SLAIN1: variants seen among roughly 807,000 people sequenced by gnomAD.
SLAIN1 encodes the protein SLAIN family member 1.
In SLAIN1, 17 loss-of-function variants were observed where a neutral mutation model predicts 55.4. The observed-to-expected ratio is 0.31, with a 90% CI of 0.21 to 0.46. SLAIN1 has a LOEUF of 0.46. SLAIN1 is among the 20% of genes least tolerant of loss of function. SLAIN1 has a pLI of 1.00. For missense variants in SLAIN1, 682 were observed against 785.1 expected, an observed-to-expected ratio of 0.87 and a Z score of 1.57; for synonymous variants, 348 against 337.4, an observed-to-expected ratio of 1.03 and a Z score of -0.35.
intron 4 of SLAIN1, among the ~76,000 whole-genome samples, chr13:77,751,315 TA>T (rs1566245401): frequency 6.6e-6 from 1 of 152,196 alleles, no homozygotes; most frequent in East Asian, 1.9e-4. Context: ...ATATTTATTT[TA>T]TTTGGGAAAA....
At chr13:77,723,409 T>A (rs2091279615) in intron 2 of SLAIN1, among the ~76,000 whole-genome samples, 1 of 152,190 alleles carries the variant, frequency 6.6e-6, no homozygotes, top group South Asian at 2.1e-4. Flanking sequence ...CGAATATTTC[T>A]GCATTTGCTT....
chr13:77,727,464 T>C (rs2091318095), intron 2 of SLAIN1, among the ~76,000 whole-genome samples: 1 of 150,586 alleles, frequency 6.6e-6, no homozygotes, highest in African/African-American at 2.4e-5. Flanking sequence ...CAATTTTCAT[T>C]GAACATTTGG....
At chr13:77,735,314 A>G (rs1026507488) in intron 2 of SLAIN1, among the ~76,000 whole-genome samples, 4 of 152,150 alleles carry the variant, frequency 2.6e-5, no homozygotes, top group African/African-American at 4.8e-5. Context: ...GTGTCCTTTC[A>G]GTCTTTTCTT....
At chr13:77,749,963 G>A (rs1291136700) in intron 4 of SLAIN1, among the ~76,000 whole-genome samples, 4 of 152,204 alleles carry the variant, frequency 2.6e-5, no homozygotes, top group Non-Finnish European at 4.4e-5. Context: ...GTAACGTATG[G>A]ACCTTGATTG....
intron 2 of SLAIN1, among the ~76,000 whole-genome samples, chr13:77,723,908 C>G (rs2091284591): frequency 6.9e-6 from 1 of 144,400 alleles, no homozygotes; most frequent in African/African-American, 2.6e-5. Flanking sequence ...GATTTTGTTG[C>G]TGTTGTTCTA....
At chr13:77,708,561 A>G (rs1404924956) in intron 1 of SLAIN1, among the ~76,000 whole-genome samples, 1 of 152,202 alleles carries the variant, frequency 6.6e-6, no homozygotes, top group East Asian at 1.9e-4. Flanking sequence ...TTCCAGAGGA[A>G]GGAACAGGCA....
intron 1 of SLAIN1, among the ~76,000 whole-genome samples, chr13:77,715,828 T>C (rs2091201213): frequency 6.6e-6 from 1 of 152,188 alleles, no homozygotes; most frequent in Non-Finnish European, 1.5e-5. Context: ...CTTTGGTAGA[T>C]ATATGATTTG....
intron 2 of SLAIN1, among the ~76,000 whole-genome samples, chr13:77,726,707 G>A (rs1456576170): frequency 1.3e-5 from 2 of 152,156 alleles, no homozygotes; most frequent in Non-Finnish European, 2.9e-5. Flanking sequence ...ATGAGCCACT[G>A]TGCTTGGCCC....
chr13:77,697,866 C>CGCGGCGGCGCGCACTCCCCGGCG lies in SLAIN1; in HGVS notation c.-45_-23dup. ...GCCTCCCCGTGGCCCGAGGAGCCGG[C>CGCGGCGGCGCGCACTCCCCGGCG]GCGGCGGCGCGCACTCCCCGGCGGC... is the stretch of plus-strand genomic sequence containing the variant. On this transcript the variant is annotated 5_prime_UTR_variant, in exon 1 of 7. Transcript: ENST00000418532. The CGCGGCGGCGCGCACTCCCCGGCG allele has an allele frequency of 3.1e-6, 4 of 1,278,290 alleles. No homozygotes were observed. The South Asian group carries it at 8.0e-5, about 26-fold the overall frequency. 79.2% of individuals were successfully genotyped at this position (1,278,290 alleles called of 1,614,324 possible).
rs568527874 is a variant in SLAIN1, at chr13:77,720,517, A to G, written c.766+846A>G. ...AGAACGCTGCCCATGAAGCTCTTTGAGGATAATGAATAACATGTTTGGACA... is the reference window on the plus strand; with the variant it reads ...AGAACGCTGCCCATGAAGCTCTTTGGGGATAATGAATAACATGTTTGGACA... On this transcript the variant is annotated intron_variant, in intron 2 of 6. Transcript: ENST00000418532. Among the ~76,000 whole-genome samples, 3 of 152,342 alleles carry G rather than the reference A, an allele frequency of 2.0e-5. No homozygotes were observed. The South Asian group carries it at 6.2e-4, about 32-fold the overall frequency.
At chr13:77,707,559 G>A (rs961733613) in intron 1 of SLAIN1, among the ~76,000 whole-genome samples, 24 of 152,040 alleles carry the variant, frequency 1.6e-4, no homozygotes, top group African/African-American at 2.2e-4. Context: ...AGGAGGTGCC[G>A]AAGCCGATCT....
intron 1 of SLAIN1, among the ~76,000 whole-genome samples, chr13:77,709,161 A>C (rs1457874309): frequency 6.6e-6 from 1 of 151,886 alleles, no homozygotes; most frequent in South Asian, 2.1e-4. Flanking sequence ...AAGAAGGTAT[A>C]TCAGAGATTG....
Position 77,698,218 on chromosome 13 carries a change from TG to T in SLAIN1, c.308del (p.Gly103AlafsTer96). 1 of 1,299,014 alleles carries T rather than the reference TG, an allele frequency of 7.7e-7. No homozygotes were observed. Among genetic ancestry groups the T allele is most frequent in the South Asian group, 2.1e-5 (1 of 46,618 alleles). The allele number at this position is 1,299,014 out of a possible 1,614,324, so 80.5% of individuals were successfully genotyped here. A position where few individuals can be genotyped will look rare whatever the true frequency, so the allele number is the denominator to read the frequency against. On this transcript the variant is annotated frameshift_variant, in exon 1 of 7. Coordinates refer to ENST00000418532, the MANE Select transcript of SLAIN1 (RefSeq NM_001242868.2). LOFTEE classifies it high-confidence loss of function. This position sits in a 1 kb window ranked among gnomAD's most constrained non-coding sequence, Gnocchi z 4.1. ...GGGGGCCTGGGGCTCGGGCTGGCGC[TG>T]GGCGCGGGGGGCGGTGGCGGCAGCG... ...ASGGLGLGLA[L>X]GAGGGGGSGS...
intron 5 of SLAIN1, 30 bp from the exon 6 acceptor site, chr13:77,760,798 T>G: frequency 1.2e-6 from 2 of 1,606,760 alleles, no homozygotes; most frequent in Non-Finnish European, 1.7e-6. Context: ...GGTAGAAGGT[T>G]GCTCACATGA....
chr13:77,754,883 A>G (rs1309984466), intron 5 of SLAIN1, among the ~76,000 whole-genome samples: 2 of 152,166 alleles, frequency 1.3e-5, no homozygotes, highest in Non-Finnish European at 2.9e-5. Context: ...CTCTCAGTGA[A>G]TGCTTGAATG....
At chr13:77,745,916 G>A (rs941400330) in intron 3 of SLAIN1, among the ~76,000 whole-genome samples, 1 of 151,976 alleles carries the variant, frequency 6.6e-6, no homozygotes, top group Non-Finnish European at 1.5e-5. Context: ...TTTGTAGTTT[G>A]ACTATTTTTA....
In SLAIN1 at chr13:77,764,113, C is replaced by A. The variant is rs1247454731; in HGVS notation, c.*893C>A. On this transcript the variant is annotated 3_prime_UTR_variant, in exon 7 of 7. Transcript: ENST00000418532. ...AAAGCAAATAAATCTTTTTGATAGA[C>A]CTTTTACAAAATCCATTTGCACTAA... The A allele has an allele frequency of 2.0e-5, 3 of 152,610 alleles. No individual in the cohort carries two copies. The highest frequency in any genetic ancestry group is 6.8e-3 in the Middle Eastern group (2 of 294). 9.5% of individuals were successfully genotyped at this position (152,610 alleles called of 1,614,324 possible). A position where few individuals can be genotyped will look rare whatever the true frequency, so the allele number is the denominator to read the frequency against.
In SLAIN1 at chr13:77,753,377, T is replaced by A; in HGVS notation, c.1414+19T>A. ...TCTTGTAGTGAGTATAATTATTTGA[T>A]ATAATTATATATTGTATAATTGTAT... On this transcript the variant is annotated intron_variant, in intron 5 of 6. Coordinates refer to ENST00000418532, the MANE Select transcript of SLAIN1 (RefSeq NM_001242868.2). 11 of 1,216,706 alleles carry A rather than the reference T, an allele frequency of 9.0e-6. No homozygotes were observed. Among genetic ancestry groups the A allele is most frequent in the Non-Finnish European group, 1.2e-5 (11 of 916,218 alleles). 75.4% of individuals were successfully genotyped at this position (1,216,706 alleles called of 1,614,324 possible). A position where few individuals can be genotyped will look rare whatever the true frequency, so the allele number is the denominator to read the frequency against.
intron 2 of SLAIN1, chr13:77,742,927 T>G (rs1160873611): frequency 1.2e-6 from 1 of 827,670 alleles, no homozygotes; most frequent in African/African-American, 1.9e-5. Flanking sequence ...GTCTTTTTTT[T>G]TTTTTTTATT....
Sources: gnomAD v4.1 joint callset for allele counts (sites outside exome capture counted in the v4.1 genomes callset) on GRCh38, gnomAD v4.1.1 for gene constraint, Gnocchi (gnomAD v3.1) non-coding constraint, MANE v1.5 for transcripts, NCBI Gene and HGNC (gene_info 2026-07-23, HGNC 2026-07-21) for gene names.